The following CBX5 variants were observed in gnomAD, a reference collection of about 807,000 sequenced individuals.
The protein encoded by CBX5 is chromobox 5.
Under a neutral mutation model 20.7 loss-of-function variants are expected in CBX5, and 7 were observed. The ratio of observed to expected loss-of-function variants is 0.34; its 90% CI spans 0.19 to 0.63. The LOEUF (loss-of-function observed/expected upper bound fraction) is 0.63. Among genes scored for constraint, CBX5 ranks in the 30% least tolerant of loss-of-function variants. The pLI is 0.75. For synonymous variants in CBX5, 78 were observed against 77.0 expected, an observed-to-expected ratio of 1.01 and a Z score of -0.07; for missense variants, 110 against 224.1, an observed-to-expected ratio of 0.49 and a Z score of 3.25.
chr12:54,271,130 T>C (rs1944005616), intron 1 of CBX5, among the ~76,000 whole-genome samples: 2 of 152,238 alleles, frequency 1.3e-5, no homozygotes, highest in Admixed American at 6.5e-5. Context: ...AAACTGTCTG[T>C]GTAAAAGTTC....
Position 54,235,200 on chromosome 12 carries a change from G to A in CBX5, c.*6555C>T, listed in dbSNP as rs1943606650. 1 of 152,096 alleles carries A rather than the reference G, an allele frequency of 6.6e-6. No individual in the cohort carries two copies. The allele number at this position is 152,096 out of a possible 1,614,324, so 9.4% of individuals were successfully genotyped here. A position where few individuals can be genotyped will look rare whatever the true frequency, so the allele number is the denominator to read the frequency against. On this transcript the variant is annotated 3_prime_UTR_variant, in exon 5 of 5. Coordinates refer to ENST00000209875, the MANE Select transcript of CBX5 (RefSeq NM_012117.3). Reference sequence around the variant, plus strand: ...GGGTCAGAATCGACAACATCCTTACGATCAGACTGTTTCTTAACCCAGCTA... The same window carrying A: ...GGGTCAGAATCGACAACATCCTTACAATCAGACTGTTTCTTAACCCAGCTA...
chr12:54,278,787 T>A (rs1565877286), intron 1 of CBX5: 1 of 152,240 alleles, frequency 6.6e-6, no homozygotes, highest in South Asian at 2.1e-4. Context: ...ACCCTAAATA[T>A]TACCCTCTTT....
chr12:54,250,285 C>A (rs959112596), intron 3 of CBX5, among the ~76,000 whole-genome samples: 2 of 151,820 alleles, frequency 1.3e-5, no homozygotes, highest in African/African-American at 2.4e-5. Flanking sequence ...GTGGCACATG[C>A]CTGTAATCCC....
At chr12:54,278,547 T>G (rs1161981165) in intron 1 of CBX5, 1 of 152,200 alleles carries the variant, frequency 6.6e-6, no homozygotes, top group African/African-American at 2.4e-5. Context: ...GGTAGTTGAT[T>G]TTCAGTATTT....
chr12:54,271,387 G>A (rs962733926), intron 1 of CBX5, among the ~76,000 whole-genome samples: 12 of 152,062 alleles, frequency 7.9e-5, no homozygotes, highest in African/African-American at 1.9e-4. Flanking sequence ...GTGCAGTGGC[G>A]CGATCTCCGC....
intron 3 of CBX5, among the ~76,000 whole-genome samples, chr12:54,248,540 GAGAGA>G (rs1565868487): frequency 6.6e-6 from 1 of 152,196 alleles, no homozygotes; most frequent in Non-Finnish European, 1.5e-5. Flanking sequence ...GTGGATCAAT[GAGAGA>G]TACTGACTTT....
chr12:54,270,319 A>T (rs1943997671), intron 1 of CBX5, among the ~76,000 whole-genome samples: 1 of 152,184 alleles, frequency 6.6e-6, no homozygotes, highest in Non-Finnish European at 1.5e-5. Flanking sequence ...TCTGCCACCC[A>T]GGCTCAAGTG....
At chr12:54,274,184 C>G (rs1270466511) in intron 1 of CBX5, 1 of 152,188 alleles carries the variant, frequency 6.6e-6, no homozygotes, top group Non-Finnish European at 1.5e-5. Context: ...GGGTGTTCTT[C>G]CAGCACAAGT....
chr12:54,260,988 C>T (rs1044077867), intron 1 of CBX5, among the ~76,000 whole-genome samples: 3 of 151,938 alleles, frequency 2.0e-5, no homozygotes, highest in African/African-American at 7.2e-5. Flanking sequence ...GTCAGGAGTT[C>T]GAGACCAGCC....
At chr12:54,264,605 G>A (rs1244782361) in intron 1 of CBX5, among the ~76,000 whole-genome samples, 1 of 152,226 alleles carries the variant, frequency 6.6e-6, no homozygotes, top group African/African-American at 2.4e-5. Context: ...CACTTTGGGA[G>A]GCCAAGGTGG....
intron 1 of CBX5, among the ~76,000 whole-genome samples, chr12:54,260,172 A>AC (rs1224100353): frequency 6.6e-6 from 1 of 151,864 alleles, no homozygotes; most frequent in Non-Finnish European, 1.5e-5. Flanking sequence ...AAAAAAAAAA[A>AC]AAAAAAAACC....
rs553537698 is a variant in CBX5 at position 54,270,226 on chromosome 12, T to TA, written c.-43+9781dup. Reference sequence around the variant, plus strand: ...CCTGTCAGTGACCTGCTTTTGTTGTTAAAGTACTTAATGCTATAAATTTCC... The same window carrying TA: ...CCTGTCAGTGACCTGCTTTTGTTGTTAAAAGTACTTAATGCTATAAATTTCC... On this transcript the variant is annotated intron_variant, in intron 1 of 4. Transcript: ENST00000209875. Among the ~76,000 whole-genome samples the TA allele has an allele frequency of 2.1e-4, 32 of 152,316 alleles. No individual in the cohort carries two copies. The East Asian group carries it at 5.6e-3, about 27-fold the overall frequency.
In CBX5 at chr12:54,243,999, T is replaced by C. The variant is rs1943706507; in HGVS notation, c.426-2094A>G. On this transcript the variant is annotated intron_variant, in intron 4 of 4. Transcript: ENST00000209875. ...TCAGATAAAATGTTAAGCCTTTTGA[T>C]TATACAACTTTTTTTTTTTTGAGAC... Among the ~76,000 whole-genome samples, 3 of 151,962 alleles carry C rather than the reference T, an allele frequency of 2.0e-5. 1 individual carries two copies. Among genetic ancestry groups the C allele is most frequent in the Admixed American group, 2.0e-4 (3 of 15,238 alleles).
intron 1 of CBX5, among the ~76,000 whole-genome samples, chr12:54,268,834 T>C (rs1414556858): frequency 2.0e-5 from 3 of 152,208 alleles, no homozygotes; most frequent in Non-Finnish European, 1.5e-5. Context: ...AAAGGTCAAA[T>C]TGGACAACTT....
rs774952624 is a variant in CBX5 at position 54,275,106 on chromosome 12, ACT to A, written c.-43+4900_-43+4901del. On this transcript the variant is annotated intron_variant, in intron 1 of 4. Transcript: ENST00000209875. Reference sequence around the variant, plus strand: ...ATCCAGCCGCTTCAAATGTAGGCTCACTCTTTCTTTCCCCAACTATCATCCTG... The same window carrying A: ...ATCCAGCCGCTTCAAATGTAGGCTCACTTTCTTTCCCCAACTATCATCCTG... Among the ~76,000 whole-genome samples the A allele has an allele frequency of 3.9e-5, 6 of 152,174 alleles. No individual in the cohort carries two copies. In the East Asian group the frequency reaches 9.7e-4, roughly 24 times the overall value.
rs531819756 is a variant in CBX5 at position 54,269,296 on chromosome 12, C to T, written c.-43+10712G>A. Among the ~76,000 whole-genome samples, 11 of 152,242 alleles carry T rather than the reference C, an allele frequency of 7.2e-5. No individual in the cohort carries two copies. The South Asian group carries it at 2.1e-3, about 29-fold the overall frequency. ...TAAATAAATAACTGTTTTAAGCGTT[C>T]CTGCTTCTGTTTTCTGGAAGAGTTT... On this transcript the variant is annotated intron_variant, in intron 1 of 4. Coordinates refer to ENST00000209875, the MANE Select transcript of CBX5 (RefSeq NM_012117.3).
In CBX5 at chr12:54,237,992, C is replaced by T. The variant is rs1943640342; in HGVS notation, c.*3763G>A. Reference sequence around the variant, plus strand: ...AGATCACAAGGTCAGGAAATCGAGACCATCCTGGCAAACATGGTAAAACCC... The same window carrying T: ...AGATCACAAGGTCAGGAAATCGAGATCATCCTGGCAAACATGGTAAAACCC... On this transcript the variant is annotated 3_prime_UTR_variant, in exon 5 of 5. Transcript: ENST00000209875. The T allele has an allele frequency of 2.0e-5, 3 of 152,142 alleles. No homozygotes were observed. The highest frequency in any genetic ancestry group is 4.4e-5 in the Non-Finnish European group (3 of 68,074). 9.4% of individuals were successfully genotyped at this position (152,142 alleles called of 1,614,324 possible). A position where few individuals can be genotyped will look rare whatever the true frequency, so the allele number is the denominator to read the frequency against.
At chr12:54,264,193 T>G (rs1200856572) in intron 1 of CBX5, among the ~76,000 whole-genome samples, 1 of 152,222 alleles carries the variant, frequency 6.6e-6, no homozygotes, top group African/African-American at 2.4e-5. Context: ...GGCCTCGTTC[T>G]GTTGTTCAGG....
At chr12:54,248,187 C>T (rs1043617101) in intron 3 of CBX5, among the ~76,000 whole-genome samples, 3 of 152,032 alleles carry the variant, frequency 2.0e-5, no homozygotes, top group African/African-American at 4.8e-5. Context: ...CAGGGTTTCA[C>T]CATGTTGACC....
Sources: allele counts gnomAD v4.1 joint callset (sites outside exome capture counted in the v4.1 genomes callset), GRCh38; gene constraint gnomAD v4.1.1; transcripts MANE v1.5; gene names NCBI Gene and HGNC (gene_info 2026-07-23, HGNC 2026-07-21).